The following DEPTOR variants were observed in gnomAD, a reference collection of about 807,000 sequenced individuals.
DEPTOR encodes DEP domain containing MTOR interacting protein, also known as DEP domain-containing mTOR-interacting protein.
DEPTOR carries 41 observed loss-of-function variants against 41.6 expected under a neutral mutation model. The observed-to-expected ratio is 0.98, with a 90% CI of 0.77 to 1.28. The LOEUF is 1.28. DEPTOR is among the 50% of genes most tolerant of loss of function. The pLI is 0.00. For missense variants in DEPTOR, 514 were observed against 527.9 expected (o/e 0.97, Z 0.26); for synonymous variants, 195 against 192.3 (o/e 1.01, Z -0.12).
chr8:119,958,606 A>G (rs1828448594), intron 3 of DEPTOR, among the ~76,000 whole-genome samples: 1 of 152,014 alleles, frequency 6.6e-6, no homozygotes, highest in African/African-American at 2.4e-5. Flanking sequence ...ACACGGTAAA[A>G]TCCCATCTCT....
intron 8 of DEPTOR, among the ~76,000 whole-genome samples, chr8:120,033,081 C>CTTT (rs35161313): frequency 2.0e-5 from 2 of 98,942 alleles, no homozygotes; most frequent in African/African-American, 3.9e-5. Context: ...ATATGGAATT[C>CTTT]TTTTTTTTTT....
chr8:119,948,458 A>G (rs1005434128), intron 3 of DEPTOR, among the ~76,000 whole-genome samples: 5 of 151,946 alleles, frequency 3.3e-5, no homozygotes, highest in Non-Finnish European at 5.9e-5. Flanking sequence ...ATAAGAATTA[A>G]AAAATATATT....
At chr8:119,958,036 C>T (rs1232042619) in intron 3 of DEPTOR, among the ~76,000 whole-genome samples, 1 of 152,196 alleles carries the variant, frequency 6.6e-6, no homozygotes, top group East Asian at 1.9e-4. Context: ...TTTCATGTAT[C>T]TTTGCCACTG....
intron 4 of DEPTOR, among the ~76,000 whole-genome samples, chr8:119,987,495 G>T (rs959940690): frequency 2.8e-4 from 42 of 152,206 alleles, no homozygotes; most frequent in African/African-American, 9.9e-4. Flanking sequence ...CTCCCAGTCA[G>T]GAGGCATGGG....
At chr8:120,037,861 C>T (rs1464438245) in intron 8 of DEPTOR, among the ~76,000 whole-genome samples, 2 of 152,174 alleles carry the variant, frequency 1.3e-5, no homozygotes, top group Admixed American at 6.6e-5. Flanking sequence ...CGTTTTCTTC[C>T]ATCTATAAAG....
At chr8:119,877,085 C>T (rs748108985) in intron 1 of DEPTOR, among the ~76,000 whole-genome samples, 6 of 152,138 alleles carry the variant, frequency 3.9e-5, no homozygotes, top group Non-Finnish European at 8.8e-5. Context: ...AACTTTAGGA[C>T]AATATGTTTA....
chr8:119,920,472 G>GCCCTT (rs1192487687), intron 1 of DEPTOR, among the ~76,000 whole-genome samples: 2 of 152,206 alleles, frequency 1.3e-5, no homozygotes, highest in Non-Finnish European at 2.9e-5. Flanking sequence ...CGTTCACAGA[G>GCCCTT]GAGGTGCCCT....
chr8:120,027,981 T>C (rs1812824390), intron 8 of DEPTOR, among the ~76,000 whole-genome samples: 3 of 152,122 alleles, frequency 2.0e-5, no homozygotes, highest in African/African-American at 4.8e-5. Flanking sequence ...AAAGTGGAGC[T>C]TAGAGACAGC....
intron 3 of DEPTOR, among the ~76,000 whole-genome samples, chr8:119,953,517 G>A (rs1220212765): frequency 1.3e-5 from 2 of 151,708 alleles, no homozygotes; most frequent in Non-Finnish European, 2.9e-5. Flanking sequence ...CTTGAATCCA[G>A]GAGGTGGAGG....
intron 8 of DEPTOR, 110 bp from the exon 9 acceptor site, chr8:120,049,466 G>T: frequency 7.7e-7 from 1 of 1,299,844 alleles, no homozygotes; most frequent in Non-Finnish European, 1.0e-6. Context: ...GGATACATTT[G>T]GATATTTTAA....
In DEPTOR at chr8:120,034,443, C is replaced by CTTTTTTTTTTTTT. The variant is rs148465030; in HGVS notation, c.1102-15123_1102-15111dup. Among the ~76,000 whole-genome samples, 22 of 91,562 alleles carry CTTTTTTTTTTTTT rather than the reference C, an allele frequency of 2.4e-4. 1 individual carries two copies. The highest frequency in any genetic ancestry group is 1.0e-3 in the African/African-American group (22 of 21,922). 60.1% of individuals were successfully genotyped at this position (91,562 alleles called of 152,430 possible). A position where few individuals can be genotyped will look rare whatever the true frequency, so the allele number is the denominator to read the frequency against. On this transcript the variant is annotated intron_variant, in intron 8 of 8. Coordinates refer to ENST00000286234, the MANE Select transcript of DEPTOR (RefSeq NM_022783.4). The stretch of plus-strand genomic sequence containing the variant: ...TTTTTTTTTCTTTTTTTTCCTTTTT[C>CTTTTTTTTTTTTT]TTTTTTTTTTTTTTTTTTTTTTGAG...
At chr8:120,013,154 C>CAAA (rs34050547) in intron 8 of DEPTOR, among the ~76,000 whole-genome samples, 19 of 126,984 alleles carry the variant, frequency 1.5e-4, no homozygotes, top group Non-Finnish European at 1.6e-4. Context: ...GAGACTGTCT[C>CAAA]AAAAAGAAAA....
rs1827334276 is a variant in DEPTOR, at chr8:119,884,159, G to A, written c.122+10191G>A. ...CGCAACCTCCGGTTCCCAGGTTCAA[G>A]CGATTCTCCTGCCTCAGCCTCCCCA... On this transcript the variant is annotated intron_variant, in intron 1 of 8. Coordinates refer to ENST00000286234, the MANE Select transcript of DEPTOR (RefSeq NM_022783.4). Among the ~76,000 whole-genome samples, 4 of 152,140 alleles carry A rather than the reference G, an allele frequency of 2.6e-5. No homozygotes were observed. In the South Asian group the frequency reaches 8.3e-4, roughly 31 times the overall value.
chr8:119,920,412 A>G (rs2129818792), intron 1 of DEPTOR, among the ~76,000 whole-genome samples: 1 of 152,282 alleles, frequency 6.6e-6, no homozygotes, highest in East Asian at 1.9e-4. Context: ...ATATTGTGGG[A>G]CAATAGAGGA....
At position 119,928,413 on chromosome 8, in the gene DEPTOR, G is replaced by T. The variant is rs1309188533; in HGVS notation, c.136G>T (p.Glu46Ter). 3 of 1,611,792 alleles carry T rather than the reference G, an allele frequency of 1.9e-6. No homozygotes were observed. The highest frequency in any genetic ancestry group is 2.5e-6 in the Non-Finnish European group (3 of 1,179,270). ...TTTTTCTTTCAGGCTCAGGCTGCAC[G>T]AAGAAAAGGTTATTAAAGATAGACG... ...TGEQLRLRLHEEKVIKDRRHH... is the reference protein window; with the variant it reads ...TGEQLRLRLH The change falls in exon 2 of 9, where the codon GAA becomes TAA. Residue 46 changes from glutamate (E) to a stop codon, truncating the protein, a stop_gained. Coordinates refer to ENST00000286234, the MANE Select transcript of DEPTOR (RefSeq NM_022783.4). LOFTEE classifies it high-confidence loss of function.
At chr8:119,939,301 T>A (rs937769626) in intron 3 of DEPTOR, among the ~76,000 whole-genome samples, 6 of 152,118 alleles carry the variant, frequency 3.9e-5, no homozygotes, top group Admixed American at 3.9e-4. Flanking sequence ...GGAAGGGCCG[T>A]CTCAGGAGGC....
chr8:119,956,318 G>A (rs1353227465), intron 3 of DEPTOR, among the ~76,000 whole-genome samples: 3 of 152,196 alleles, frequency 2.0e-5, no homozygotes, highest in African/African-American at 4.8e-5. Context: ...ATTATAAGGG[G>A]AAGTGAAATA....
intron 1 of DEPTOR, among the ~76,000 whole-genome samples, chr8:119,885,015 A>G (rs538540540): frequency 1.5e-3 from 229 of 152,286 alleles, no homozygotes; most frequent in African/African-American, 5.2e-3. Flanking sequence ...AGCTCAGGCA[A>G]TCGGCCCGTT....
chr8:119,913,171 T>C (rs1324777362), intron 1 of DEPTOR, among the ~76,000 whole-genome samples: 2 of 152,172 alleles, frequency 1.3e-5, no homozygotes, highest in Admixed American at 1.3e-4. Flanking sequence ...TCCGCCTGCC[T>C]CGGCCTCCCA....
Sources: allele counts gnomAD v4.1 joint callset (sites outside exome capture counted in the v4.1 genomes callset), GRCh38; gene constraint gnomAD v4.1.1; transcripts MANE v1.5; gene names NCBI Gene and HGNC (gene_info 2026-07-23, HGNC 2026-07-21).